Variants in C1orf167 observed in about 807,000 individuals in gnomAD.
C1orf167 encodes uncharacterized protein C1orf167.
In C1orf167, 153 loss-of-function variants were observed where a neutral mutation model predicts 176.5. The ratio of observed to expected loss-of-function variants is 0.87; its 90% CI spans 0.76 to 0.99. The LOEUF (loss-of-function observed/expected upper bound fraction) is 0.99, where lower values mean the gene tolerates loss of function less well. Ranked by LOEUF, C1orf167 falls within the 50% of genes least tolerant of loss-of-function variation. The pLI, the probability that C1orf167 is intolerant of heterozygous loss-of-function variation, is 0.00. For synonymous variants in C1orf167, 594 were observed against 752.7 expected (o/e 0.79, Z 3.45); for missense variants, 1,490 against 1,817.7 (o/e 0.82, Z 3.28).
chr1:11,785,391 A>T, intron 16 of C1orf167, 102 bp downstream of exon 16: 1 of 1,133,166 alleles, frequency 8.8e-7, no homozygotes, highest in Admixed American at 3.5e-5. Context: ...AGGTGAAGGG[A>T]GCCTAGGCAG....
At chr1:11,785,087 G>A in intron 15 of C1orf167, 61 bp from the exon 16 acceptor site, 2 of 1,202,550 alleles carry the variant, frequency 1.7e-6, no homozygotes, top group African/African-American at 3.1e-5. Context: ...CACTGGGGGG[G>A]CTCCCTGCAG....
intron 15 of C1orf167, 117 bp downstream of exon 15, chr1:11,784,710 G>C: frequency 9.1e-7 from 1 of 1,102,808 alleles, no homozygotes. Context: ...AGGCTCAAGA[G>C]GGTGGTTGGG....
At chr1:11,782,675 C>T (rs961307560) in intron 14 of C1orf167, among the ~76,000 whole-genome samples, 2 of 152,096 alleles carry the variant, frequency 1.3e-5, no homozygotes, top group African/African-American at 4.8e-5. Flanking sequence ...AATCCCAGCA[C>T]TTTGGGAGGC....
In C1orf167 at chr1:11,772,075, T is replaced by A. The variant is rs1425141775; in HGVS notation, c.1811-7T>A. ...CTCTTTTCTCTCCCTCCTCCCTCTC[T>A]CCTTAGTGTTCTTCCTGTGGTGCCA... On this transcript the variant is annotated splice_polypyrimidine_tract_variant and splice_region_variant and intron_variant, in intron 7 of 20. Transcript: ENST00000688073. 1.0e-5 allele frequency: 13 copies of A among 1,299,400 alleles called. No individual in the cohort carries two copies. The highest frequency in any genetic ancestry group is 1.3e-5 in the Non-Finnish European group (13 of 986,312). The allele number at this position is 1,299,400 out of a possible 1,614,324, so 80.5% of individuals were successfully genotyped here. A position where few individuals can be genotyped will look rare whatever the true frequency, so the allele number is the denominator to read the frequency against.
At chr1:11,773,799 C>T (rs72638693) in intron 8 of C1orf167, among the ~76,000 whole-genome samples, 15,440 of 152,136 alleles carry the variant, frequency 0.1, 849 homozygotes, top group South Asian at 0.19. Flanking sequence ...TTAATACTCA[C>T]GAATATCTGG....
At chr1:11,780,784 G>A (rs768124466) in intron 13 of C1orf167, among the ~76,000 whole-genome samples, 1 of 152,034 alleles carries the variant, frequency 6.6e-6, no homozygotes, top group Non-Finnish European at 1.5e-5. Context: ...AGGGCTCAGC[G>A]GGCAGAGCAG....
chr1:11,782,465 A>G (rs1379945137), intron 14 of C1orf167, 132 bp downstream of exon 14: 1 of 913,184 alleles, frequency 1.1e-6, no homozygotes. Context: ...AAGGGGCATG[A>G]AGGGAGATCC....
chr1:11,764,287 G>A (rs1374848762), intron 1 of C1orf167, 44 bp from the exon 2 acceptor site: 1 of 753,130 alleles, frequency 1.3e-6, no homozygotes, highest in Admixed American at 2.3e-5. Context: ...TCAGAATGGG[G>A]TGGGGTTGAA....
intron 6 of C1orf167, among the ~76,000 whole-genome samples, chr1:11,771,047 G>A (rs57064372): frequency 0.19 from 6,354 of 32,762 alleles, 386 homozygotes; most frequent in South Asian, 0.3. Context: ...GTGTGTGTGT[G>A]TGTATATATA....
chr1:11,766,281 C>T lies in C1orf167; in HGVS notation c.495C>T (p.Cys165=). The change falls in exon 3 of 21, where the codon TGC becomes TGT. Residue 165 remains cysteine, a synonymous_variant. Coordinates refer to ENST00000688073, the MANE Select transcript of C1orf167 (RefSeq NM_001010881.2). This position sits in a 1 kb window ranked among gnomAD's most constrained non-coding sequence, Gnocchi z 4.5. ...SQEPLARPSS[C]LRQSGLPAPG... Reference sequence around the variant, plus strand: ...AGCCACTGGCTCGCCCATCTTCCTGCCTGAGGCAGTCCGGGCTGCCGGCCC... The same window carrying T: ...AGCCACTGGCTCGCCCATCTTCCTGTCTGAGGCAGTCCGGGCTGCCGGCCC... 7.8e-7 allele frequency: 1 copy of T among 1,289,778 alleles called. No homozygotes were observed. Among genetic ancestry groups the T allele is most frequent in the African/African-American group, 1.5e-5 (1 of 66,006 alleles). The allele number at this position is 1,289,778 out of a possible 1,614,324, so 79.9% of individuals were successfully genotyped here. A position where few individuals can be genotyped will look rare whatever the true frequency, so the allele number is the denominator to read the frequency against.
rs1644019091 is a variant in C1orf167 at position 11,789,469 on chromosome 1, CAG to C, written c.*25_*26del. 1.5e-6 allele frequency: 2 copies of C among 1,300,154 alleles called. No individual in the cohort carries two copies. Among genetic ancestry groups the C allele is most frequent in the Non-Finnish European group, 2.0e-6 (2 of 986,894 alleles). The allele number at this position is 1,300,154 out of a possible 1,614,324, so 80.5% of individuals were successfully genotyped here. ...TGACTTGTTCTCATAGAATAAAAAA[CAG>C]AACTGAACTTAGCCTTCCCAGGGAA... On this transcript the variant is annotated 3_prime_UTR_variant, in exon 21 of 21. Coordinates refer to ENST00000688073, the MANE Select transcript of C1orf167 (RefSeq NM_001010881.2).
intron 12 of C1orf167, 95 bp downstream of exon 12, chr1:11,779,175 T>A: frequency 8.8e-7 from 1 of 1,131,476 alleles, no homozygotes. Context: ...CAGCAGCCCC[T>A]TGGGGTCTGC....
chr1:11,772,666 C>T lies in C1orf167; in HGVS notation c.1988+407C>T, dbSNP rs934585331. ...ATCGACTGAGCATGCCTAGAACATG[C>T]TAGCCCGCCCCACTGGCTGGGATTT... On this transcript the variant is annotated intron_variant, in intron 8 of 20. Coordinates refer to ENST00000688073, the MANE Select transcript of C1orf167 (RefSeq NM_001010881.2). Among the ~76,000 whole-genome samples the T allele has an allele frequency of 2.0e-5, 3 of 152,158 alleles. No homozygotes were observed. The East Asian group carries it at 5.8e-4, about 29-fold the overall frequency.
chr1:11,767,922 A>G (rs1318499399), intron 4 of C1orf167, among the ~76,000 whole-genome samples, 155 bp from the exon 5 acceptor site: 1 of 152,074 alleles, frequency 6.6e-6, no homozygotes, highest in East Asian at 1.9e-4. Context: ...AGTAAGAGGG[A>G]AGTTCTTCCA....
chr1:11,785,220 G>A lies in C1orf167; in HGVS notation c.3498G>A (p.Pro1166=), dbSNP rs1018024074. Residue 1166 remains proline (P), a synonymous_variant, in exon 16 of 21, where the codon CCG becomes CCA. Coordinates refer to ENST00000688073, the MANE Select transcript of C1orf167 (RefSeq NM_001010881.2). The part of the protein sequence containing the change: ...VQRAILTQLR[P]AELRRFLRTV... ...GAGCCATCCTCACCCAGCTCCGGCC[G>A]GCTGAGCTCAGGCGCTTCCTGCGGA... 17 of 1,291,598 alleles carry A rather than the reference G, an allele frequency of 1.3e-5. No homozygotes were observed. The highest frequency in any genetic ancestry group is 1.4e-5 in the Non-Finnish European group (14 of 988,824). The allele number at this position is 1,291,598 out of a possible 1,614,324, so 80.0% of individuals were successfully genotyped here. A position where few individuals can be genotyped will look rare whatever the true frequency, so the allele number is the denominator to read the frequency against.
intron 1 of C1orf167, among the ~76,000 whole-genome samples, chr1:11,763,793 G>A (rs1463974176): frequency 1.3e-5 from 2 of 152,200 alleles, no homozygotes; most frequent in African/African-American, 4.8e-5. Context: ...GCAGGTGAGG[G>A]CCACTCCGCC....
chr1:11,779,677 GGAAA>G, intron 12 of C1orf167, 121 bp from the exon 13 acceptor site: 1 of 711,260 alleles, frequency 1.4e-6, no homozygotes, highest in Non-Finnish European at 2.0e-6. Flanking sequence ...CTCCCATAAT[GGAAA>G]CAGAAGAGTC....
chr1:11,778,532 C>A (rs1468300348), intron 10 of C1orf167, 128 bp from the exon 11 acceptor site: 2 of 805,826 alleles, frequency 2.5e-6, no homozygotes. Context: ...AGCCCAGCGT[C>A]TGGCCTGTGG....
rs952602754 is a variant in C1orf167 at position 11,783,340 on chromosome 1, C to T, written c.3006-834C>T. On this transcript the variant is annotated intron_variant, in intron 14 of 20. Coordinates refer to ENST00000688073, the MANE Select transcript of C1orf167 (RefSeq NM_001010881.2). ...TCGGCTTACCACAACCTCCGCCTCCCGGGTTCAAGTGATTCTCCTGCCTCA... is the reference window on the plus strand; with the variant it reads ...TCGGCTTACCACAACCTCCGCCTCCTGGGTTCAAGTGATTCTCCTGCCTCA... 4.6e-5 allele frequency among the ~76,000 whole-genome samples: 7 copies of T among 151,932 alleles called. 1 individual carries two copies. Among genetic ancestry groups the T allele is most frequent in the African/African-American group, 1.7e-4 (7 of 41,408 alleles).
Sources: gnomAD v4.1 joint callset for allele counts (sites outside exome capture counted in the v4.1 genomes callset) on GRCh38, gnomAD v4.1.1 for gene constraint, Gnocchi (gnomAD v3.1) non-coding constraint, MANE v1.5 for transcripts, NCBI Gene and HGNC (gene_info 2026-07-23, HGNC 2026-07-21) for gene names.